GPM6A: variants seen among roughly 807,000 people sequenced by gnomAD.
GPM6A encodes the protein glycoprotein M6A, also known as neuronal membrane glycoprotein M6-a.
GPM6A carries 7 observed loss-of-function variants against 32.1 expected under a neutral mutation model. That is an observed-to-expected ratio of 0.22 (90% CI 0.12 to 0.41). The LOEUF (loss-of-function observed/expected upper bound fraction) is 0.41, where lower values mean the gene tolerates loss of function less well. Among genes scored for constraint, GPM6A ranks in the 10% least tolerant of loss-of-function variants. GPM6A has a pLI of 1.00. For missense variants in GPM6A, 235 were observed against 347.2 expected (o/e 0.68, Z 2.57); for synonymous variants, 130 against 123.4 (o/e 1.05, Z -0.35).
rs1434984578 is a variant in GPM6A, at chr4:175,949,286, A to G, written c.-23+53023T>C. The stretch of plus-strand genomic sequence containing the variant: ...ACAATTGGGAAAGTTTTTTCACTAA[A>G]AGTCAAGTTTGTTTATTTTTGTTGT... On this transcript the variant is annotated intron_variant, in intron 1 of 7. Transcript: ENST00000280187. 2.0e-5 allele frequency among the ~76,000 whole-genome samples: 3 copies of G among 152,158 alleles called. No individual in the cohort carries two copies. In the East Asian group the frequency reaches 5.8e-4, roughly 29 times the overall value.
At chr4:175,723,762 C>G (rs1267121054) in intron 1 of GPM6A, among the ~76,000 whole-genome samples, 3 of 152,084 alleles carry the variant, frequency 2.0e-5, no homozygotes, top group Non-Finnish European at 4.4e-5. Context: ...AATATTGAAT[C>G]TTTTACCAGA....
At chr4:175,933,684 A>C (rs1447465770) in intron 1 of GPM6A, among the ~76,000 whole-genome samples, 3 of 152,098 alleles carry the variant, frequency 2.0e-5, no homozygotes, top group African/African-American at 7.2e-5. Context: ...CTGGGACTAC[A>C]GGTGCCCGCC....
chr4:175,949,025 T>C (rs1739712116), intron 1 of GPM6A, among the ~76,000 whole-genome samples: 1 of 151,146 alleles, frequency 6.6e-6, no homozygotes, highest in Non-Finnish European at 1.5e-5. Flanking sequence ...ATGAGGTAGA[T>C]TTGGATATCT....
chr4:175,663,560 G>T (rs936560853), intron 3 of GPM6A, among the ~76,000 whole-genome samples: 1 of 152,136 alleles, frequency 6.6e-6, no homozygotes, highest in Non-Finnish European at 1.5e-5. Flanking sequence ...GTGAGGTAAT[G>T]CGTTTATCAA....
intron 3 of GPM6A, among the ~76,000 whole-genome samples, chr4:175,657,898 AACATACTATC>A (rs1742177413): frequency 6.6e-6 from 1 of 152,222 alleles, no homozygotes; most frequent in Non-Finnish European, 1.5e-5. Context: ...TGAACACCTG[AACATACTATC>A]ACTACAACTG....
At chr4:175,994,150 G>T (rs544249423) in intron 1 of GPM6A, among the ~76,000 whole-genome samples, 1 of 152,256 alleles carries the variant, frequency 6.6e-6, no homozygotes, top group African/African-American at 2.4e-5. Flanking sequence ...CTGAAGCTAT[G>T]AGACAGGAGG....
At chr4:175,739,532 G>A (rs897616853) in intron 1 of GPM6A, among the ~76,000 whole-genome samples, 26 of 152,094 alleles carry the variant, frequency 1.7e-4, no homozygotes, top group African/African-American at 6.3e-4. Context: ...GTTGTTGAAA[G>A]TTACTAACTA....
At chr4:175,951,736 A>G (rs963488720) in intron 1 of GPM6A, among the ~76,000 whole-genome samples, 5 of 152,260 alleles carry the variant, frequency 3.3e-5, no homozygotes, top group African/African-American at 1.2e-4. Context: ...TCACATTTAT[A>G]TTACCTGGGT....
At chr4:175,974,668 C>G (rs943315700) in intron 1 of GPM6A, among the ~76,000 whole-genome samples, 2 of 150,622 alleles carry the variant, frequency 1.3e-5, no homozygotes, top group African/African-American at 4.8e-5. Flanking sequence ...AGACACCTCT[C>G]CTGGTACCTT....
intron 2 of GPM6A, among the ~76,000 whole-genome samples, chr4:175,686,897 C>T (rs934818322): frequency 1.6e-4 from 25 of 152,170 alleles, no homozygotes; most frequent in African/African-American, 6.0e-4. Context: ...ACACAAGTTG[C>T]TAGAGTATGC....
chr4:175,850,662 A>AT (rs1208789233), intron 1 of GPM6A, among the ~76,000 whole-genome samples: 1 of 152,030 alleles, frequency 6.6e-6, no homozygotes, highest in East Asian at 1.9e-4. Flanking sequence ...TTAGACCCCA[A>AT]TATCTGTTTA....
In GPM6A at chr4:175,737,348, G is replaced by A. The variant is rs140376737; in HGVS notation, c.38-35581C>T. Among the ~76,000 whole-genome samples, 206 of 151,876 alleles carry A rather than the reference G, an allele frequency of 1.4e-3. 1 individual carries two copies. The highest frequency in any genetic ancestry group is 4.3e-3 in the African/African-American group (179 of 41,390). ...ATCCTGCACGCCCGTAATCCTGCAC[G>A]CCTGTAATCCTGTACGCCTGTAATC... On this transcript the variant is annotated intron_variant, in intron 1 of 6. Transcript: ENST00000393658.
At chr4:175,861,196 G>A (rs941483892) in intron 1 of GPM6A, among the ~76,000 whole-genome samples, 1 of 151,780 alleles carries the variant, frequency 6.6e-6, no homozygotes, top group Non-Finnish European at 1.5e-5. Flanking sequence ...TACAATATTG[G>A]AGCTTGTATA....
chr4:175,828,298 T>C (rs576785701), intron 1 of GPM6A, among the ~76,000 whole-genome samples: 1 of 152,344 alleles, frequency 6.6e-6, no homozygotes, highest in East Asian at 1.9e-4. Flanking sequence ...ATGGAAATAT[T>C]TGAAAGCACG....
rs531790298 is a variant in GPM6A at position 175,914,474 on chromosome 4, C to T, written c.-23+87835G>A. 1.6e-3 allele frequency among the ~76,000 whole-genome samples: 238 copies of T among 152,202 alleles called. 1 individual carries two copies. Among genetic ancestry groups the T allele is most frequent in the Middle Eastern group, 3.4e-3 (1 of 294 alleles). On this transcript the variant is annotated intron_variant, in intron 1 of 7. Coordinates refer to the GPM6A transcript ENST00000280187. ...AGTAGCTGGGACTACCGGCACATGC[C>T]ACCACGACCAGTTAATTTTTGTATT...
intron 1 of GPM6A, among the ~76,000 whole-genome samples, chr4:175,810,248 T>C (rs1234528221): frequency 2.0e-5 from 3 of 152,228 alleles, no homozygotes; most frequent in Non-Finnish European, 2.9e-5. Context: ...CAAACTTATA[T>C]AGAAAAGGTG....
chr4:175,648,482 A>G (rs1053761193), intron 4 of GPM6A, among the ~76,000 whole-genome samples: 3 of 152,144 alleles, frequency 2.0e-5, no homozygotes, highest in Admixed American at 6.5e-5. Flanking sequence ...GCAGTTTGGG[A>G]AAAAAATTGA....
chr4:175,859,083 G>A (rs1736499104), intron 1 of GPM6A, among the ~76,000 whole-genome samples: 1 of 152,186 alleles, frequency 6.6e-6, no homozygotes, highest in Non-Finnish European at 1.5e-5. Flanking sequence ...AGATGGGGTT[G>A]TTCAGGTAGA....
chr4:175,852,664 G>A (rs1736295557), intron 1 of GPM6A, among the ~76,000 whole-genome samples: 1 of 152,014 alleles, frequency 6.6e-6, no homozygotes, highest in African/African-American at 2.4e-5. Flanking sequence ...AAAGGAATGG[G>A]GTTTGGAAAA....
Sources: allele counts gnomAD v4.1 joint callset (sites outside exome capture counted in the v4.1 genomes callset), GRCh38; gene constraint gnomAD v4.1.1; transcripts MANE v1.5; gene names NCBI Gene and HGNC (gene_info 2026-07-23, HGNC 2026-07-21).